The following GPC1 variants were observed in gnomAD, a reference collection of about 807,000 sequenced individuals.
The protein encoded by GPC1 is glypican 1.
In GPC1, 26 loss-of-function variants were observed where a neutral mutation model predicts 51.5. The ratio of observed to expected loss-of-function variants is 0.50; its 90% CI spans 0.37 to 0.70. GPC1 has a LOEUF of 0.70. GPC1 is among the 30% of genes least tolerant of loss of function. GPC1 has a pLI of 0.00. For missense variants in GPC1, 775 were observed against 800.5 expected (o/e 0.97, Z 0.38); for synonymous variants, 380 against 348.3 (o/e 1.09, Z -1.01).
At chr2:240,458,199 A>G (rs2074186358) in intron 1 of GPC1, 6 of 403,206 alleles carry the variant, frequency 1.5e-5, no homozygotes, top group Middle Eastern at 3.6e-4. Context: ...TAAAAAATGC[A>G]GTTTTTCCTG....
At chr2:240,441,305 C>T (rs1574755655) in intron 1 of GPC1, among the ~76,000 whole-genome samples, 1 of 152,264 alleles carries the variant, frequency 6.6e-6, no homozygotes, top group African/African-American at 2.4e-5. Flanking sequence ...TGGGCTGGCA[C>T]TAGACAGGAG....
Position 240,462,242 on chromosome 2 carries a change from TC to T in GPC1, c.381del (p.Gly128AlafsTer124). Reference protein sequence around the residue: ...NDSERTLQATFPGAFGELYTQ... With the variant: ...NDSERTLQATXPGAFGELYTQ... ...TCGGAGCGGACGCTGCAGGCCACCTTCCCCGGCGCCTTCGGAGAGCTGTACA... is the reference window on the plus strand; with the variant it reads ...TCGGAGCGGACGCTGCAGGCCACCTTCCCGGCGCCTTCGGAGAGCTGTACA... On this transcript the variant is annotated frameshift_variant, in exon 3 of 9. Coordinates refer to ENST00000264039, the MANE Select transcript of GPC1 (RefSeq NM_002081.3). LOFTEE classifies it high-confidence loss of function. 1 of 1,610,300 alleles carries T rather than the reference TC, an allele frequency of 6.2e-7. No homozygotes were observed. The highest frequency in any genetic ancestry group is 1.7e-5 in the Admixed American group (1 of 59,868).
chr2:240,456,576 TCCCA>T (rs754806961), intron 1 of GPC1: 10 of 468,700 alleles, frequency 2.1e-5, no homozygotes, highest in Middle Eastern at 3.2e-4. Context: ...CACGTTTCCC[TCCCA>T]CTGCCCAGCC....
chr2:240,441,054 G>A (rs2074013799), intron 1 of GPC1, among the ~76,000 whole-genome samples: 1 of 152,294 alleles, frequency 6.6e-6, no homozygotes, highest in African/African-American at 2.4e-5. Context: ...GGGAGATAAG[G>A]CAGTCCAGTC....
At chr2:240,441,110 G>A (rs536297908) in intron 1 of GPC1, among the ~76,000 whole-genome samples, 7 of 152,276 alleles carry the variant, frequency 4.6e-5, no homozygotes, top group African/African-American at 1.7e-4. Flanking sequence ...GGGACAGTGT[G>A]AGCCTGTGGT....
intron 1 of GPC1, chr2:240,452,867 G>T (rs918619264): frequency 5.3e-4 from 115 of 217,474 alleles, no homozygotes; most frequent in African/African-American, 2.6e-3. Context: ...TCTCCCGCGC[G>T]CCCGGCGGAC....
rs915626458 is a variant in GPC1, at chr2:240,466,455, C to T, written c.*165C>T. The T allele has an allele frequency of 2.4e-5, 14 of 581,358 alleles. No homozygotes were observed. Among genetic ancestry groups the T allele is most frequent in the African/African-American group, 1.5e-4 (8 of 53,518 alleles). The allele number at this position is 581,358 out of a possible 1,614,324, so 36.0% of individuals were successfully genotyped here. Reference sequence around the variant, plus strand: ...GAGGTCCCAGCCCCAGGCCTGGCCTCGCCTGCCTTTCTGCCTTTTAATTTT... The same window carrying T: ...GAGGTCCCAGCCCCAGGCCTGGCCTTGCCTGCCTTTCTGCCTTTTAATTTT... On this transcript the variant is annotated 3_prime_UTR_variant, in exon 9 of 9. Coordinates refer to ENST00000264039, the MANE Select transcript of GPC1 (RefSeq NM_002081.3).
chr2:240,445,418 T>C (rs2151787089), intron 1 of GPC1, among the ~76,000 whole-genome samples: 1 of 152,200 alleles, frequency 6.6e-6, no homozygotes, highest in Admixed American at 6.5e-5. Context: ...TCCTGCAAGA[T>C]GGAGGTGCCC....
intron 1 of GPC1, among the ~76,000 whole-genome samples, chr2:240,439,926 C>T (rs554653355): frequency 4.3e-4 from 66 of 152,360 alleles, no homozygotes; most frequent in African/African-American, 1.5e-3. Flanking sequence ...GGGCCACCTG[C>T]GTGATGCAAT....
intron 1 of GPC1, among the ~76,000 whole-genome samples, chr2:240,436,543 C>G (rs1020714108): frequency 7.2e-5 from 11 of 152,324 alleles, no homozygotes; most frequent in Admixed American, 3.9e-4. Context: ...TGACGGTGGC[C>G]GCGGACCCCT....
At chr2:240,442,278 C>G (rs762178686) in intron 1 of GPC1, 1 of 149,016 alleles carries the variant, frequency 6.7e-6, no homozygotes, top group South Asian at 2.1e-4. Flanking sequence ...GGGAAGGCCC[C>G]GAGTCCCTCC....
chr2:240,459,273 A>C, intron 2 of GPC1, 85 bp downstream of exon 2: 1 of 1,288,052 alleles, frequency 7.8e-7, no homozygotes, highest in Non-Finnish European at 1.1e-6. Flanking sequence ...TGGTGTGTCA[A>C]TGCCAAGGGT....
At position 240,440,809 on chromosome 2, in the gene GPC1, G is replaced by A. The variant is rs531324190; in HGVS notation, c.166+4725G>A. Among the ~76,000 whole-genome samples the A allele has an allele frequency of 2.0e-5, 3 of 152,292 alleles. No individual in the cohort carries two copies. The South Asian group carries it at 6.2e-4, about 32-fold the overall frequency. On this transcript the variant is annotated intron_variant, in intron 1 of 8. Transcript: ENST00000264039. ...TCCTGGCCTCCCTGCCTCCGGTCTT[G>A]CCCAGCTCCTCCTGGCCGTGCCGCC...
chr2:240,435,956 C>T lies in GPC1; in HGVS notation c.38C>T (p.Ala13Val), dbSNP rs1182027761. ...GCCCGAGGCTGGTGGCTGCTATGTG[C>T]GGCCGCAGCGCTGGTCGCCTGCGCC... Reference protein sequence around the residue: ...LRARGWWLLCAAAALVACARG... With the variant: ...LRARGWWLLCVAAALVACARG... The change falls in exon 1 of 9, where the codon GCG becomes GTG. Residue 13 changes from alanine to valine, a missense_variant. By Grantham distance (64) the Ala-to-Val change is moderately conservative. Transcript: ENST00000264039. 6.9e-6 allele frequency: 9 copies of T among 1,307,156 alleles called. No individual in the cohort carries two copies. The highest frequency in any genetic ancestry group is 2.9e-4 in the Middle Eastern group (1 of 3,468). 81.0% of individuals were successfully genotyped at this position (1,307,156 alleles called of 1,614,324 possible).
intron 1 of GPC1, among the ~76,000 whole-genome samples, chr2:240,447,337 C>T (rs1029105236): frequency 2.6e-5 from 4 of 152,210 alleles, no homozygotes; most frequent in African/African-American, 7.2e-5. Flanking sequence ...CCCTCCGGGG[C>T]CTCTGTGTGG....
intron 2 of GPC1, among the ~76,000 whole-genome samples, chr2:240,461,194 C>T (rs1361880758): frequency 6.6e-6 from 1 of 152,208 alleles, no homozygotes; most frequent in Non-Finnish European, 1.5e-5. Context: ...TCCACCCTCC[C>T]CACAGCGGCC....
At position 240,435,911 on chromosome 2, in the gene GPC1, G is replaced by GC; in HGVS notation, c.-4dup. 8.1e-7 allele frequency: 1 copy of GC among 1,238,574 alleles called. No individual in the cohort carries two copies. The highest frequency in any genetic ancestry group is 1.0e-6 in the Non-Finnish European group (1 of 990,816). The allele number at this position is 1,238,574 out of a possible 1,614,324, so 76.7% of individuals were successfully genotyped here. A position where few individuals can be genotyped will look rare whatever the true frequency, so the allele number is the denominator to read the frequency against. Reference sequence around the variant, plus strand: ...GGGCGGGTGGCCGGGGGCGCCGCCGGCCCCGCCATGGAGCTCCGGGCCCGA... The same window carrying GC: ...GGGCGGGTGGCCGGGGGCGCCGCCGGCCCCCGCCATGGAGCTCCGGGCCCGA... On this transcript the variant is annotated 5_prime_UTR_variant, in exon 1 of 9. Coordinates refer to ENST00000264039, the MANE Select transcript of GPC1 (RefSeq NM_002081.3).
intron 1 of GPC1, among the ~76,000 whole-genome samples, chr2:240,445,603 A>G (rs1339840706): frequency 1.3e-5 from 2 of 152,228 alleles, no homozygotes; most frequent in African/African-American, 4.8e-5. Flanking sequence ...GGGTTGTTCT[A>G]GATGCATCCA....
chr2:240,464,578 T>TGG (rs141231574), intron 4 of GPC1, 38 bp from the exon 5 acceptor site: 1 of 292,046 alleles, frequency 3.4e-6, no homozygotes, highest in Non-Finnish European at 5.0e-6. Flanking sequence ...TGTGCGCGCG[T>TGG]TAACGCCTGT....
Sources: gnomAD v4.1 joint callset for allele counts (sites outside exome capture counted in the v4.1 genomes callset) on GRCh38, gnomAD v4.1.1 for gene constraint, MANE v1.5 for transcripts, NCBI Gene and HGNC (gene_info 2026-07-23, HGNC 2026-07-21) for gene names.